Variants in TSPEAR observed in about 807,000 individuals in gnomAD.
The protein encoded by TSPEAR is thrombospondin-type laminin G domain and EAR repeat-containing protein.
In TSPEAR, 69 loss-of-function variants were observed where a neutral mutation model predicts 71.6. The observed-to-expected ratio is 0.96, with a 90% CI of 0.79 to 1.18. The LOEUF (loss-of-function observed/expected upper bound fraction) is 1.18, where lower values mean the gene tolerates loss of function less well. Among genes scored for constraint, TSPEAR ranks in the 50% most tolerant of loss-of-function variants. The pLI, the probability that TSPEAR is intolerant of heterozygous loss-of-function variation, is 0.00. For missense variants in TSPEAR, 971 were observed against 894.9 expected (o/e 1.09, Z -1.09); for synonymous variants, 402 against 387.2 (o/e 1.04, Z -0.45).
intron 1 of TSPEAR, among the ~76,000 whole-genome samples, chr21:44,568,716 T>C (rs1161556578): frequency 6.6e-6 from 1 of 152,082 alleles, no homozygotes; most frequent in Non-Finnish European, 1.5e-5. Flanking sequence ...GAGCAGAGCC[T>C]GAGACTGATG....
intron 2 of TSPEAR, among the ~76,000 whole-genome samples, chr21:44,536,270 A>T (rs1466477568): frequency 6.6e-6 from 1 of 152,118 alleles, no homozygotes; most frequent in East Asian, 1.9e-4. Context: ...TCCGGCACAG[A>T]CCTCAGCAAC....
chr21:44,675,269 A>G (rs1986255358), intron 1 of TSPEAR, among the ~76,000 whole-genome samples: 2 of 152,358 alleles, frequency 1.3e-5, no homozygotes, highest in South Asian at 2.1e-4. Context: ...GGGTGATTCA[A>G]CATACACAAA....
chr21:44,524,711 A>G (rs1347133812), intron 8 of TSPEAR, among the ~76,000 whole-genome samples: 7 of 152,080 alleles, frequency 4.6e-5, no homozygotes, highest in African/African-American at 1.7e-4. Context: ...TTAATCAGGT[A>G]GTTAGGTAAT....
intron 1 of TSPEAR, chr21:44,591,418 C>T: frequency 6.2e-7 from 1 of 1,612,514 alleles, no homozygotes; most frequent in Non-Finnish European, 8.5e-7. Context: ...AGAGCAGAGG[C>T]TGTAGCAGGC....
intron 7 of TSPEAR, among the ~76,000 whole-genome samples, chr21:44,526,626 G>A (rs932435805): frequency 2.6e-5 from 4 of 152,396 alleles, no homozygotes; most frequent in Middle Eastern, 3.4e-3. Flanking sequence ...TGTCCAGGCA[G>A]GGCCTGGTGG....
At chr21:44,635,589 G>A (rs966412850) in intron 1 of TSPEAR, among the ~76,000 whole-genome samples, 4 of 152,090 alleles carry the variant, frequency 2.6e-5, no homozygotes, top group Non-Finnish European at 4.4e-5. Flanking sequence ...CCATGACTGC[G>A]TCTATATGAA....
At chr21:44,510,339 C>T (rs1020122140) in intron 9 of TSPEAR, among the ~76,000 whole-genome samples, 5 of 152,332 alleles carry the variant, frequency 3.3e-5, no homozygotes, top group African/African-American at 1.2e-4. Context: ...CTGACTCACC[C>T]CCGTCCGGAG....
intron 1 of TSPEAR, chr21:44,697,262 G>T: frequency 6.2e-7 from 1 of 1,614,078 alleles, no homozygotes; most frequent in Non-Finnish European, 8.5e-7. Flanking sequence ...TGGTTCCTGT[G>T]ACTCTTGCTC....
intron 2 of TSPEAR, chr21:44,550,929 G>A (rs2329834): frequency 0.63 from 994,507 of 1,588,662 alleles, 309,901 homozygotes; most frequent in South Asian, 0.73. Flanking sequence ...CTGCTGACAC[G>A]GGGAGGAGGT....
At chr21:44,514,967 A>AC (rs775193150) in intron 9 of TSPEAR, among the ~76,000 whole-genome samples, 1 of 151,948 alleles carries the variant, frequency 6.6e-6, no homozygotes, top group Non-Finnish European at 1.5e-5. Flanking sequence ...GAATGCGCCC[A>AC]CCCTGTGTTT....
intron 1 of TSPEAR, chr21:44,666,947 TG>T (rs1394626024): frequency 5.1e-6 from 8 of 1,555,752 alleles, no homozygotes; most frequent in Non-Finnish European, 7.0e-6. Flanking sequence ...ACGGCCTCCC[TG>T]GGCAGCCTTT....
Position 44,546,400 on chromosome 21 carries a change from T to G in TSPEAR, c.304-12477A>C, listed in dbSNP as rs1380867017. ...CCCAGGCTGGAGTGCAGTGGTGCGA[T>G]CTCTGCTCACTGCAAGCTCCGCCTC... On this transcript the variant is annotated intron_variant, in intron 2 of 11. Coordinates refer to ENST00000323084, the MANE Select transcript of TSPEAR (RefSeq NM_144991.3). This position sits in a 1 kb window ranked among gnomAD's most constrained non-coding sequence, Gnocchi z 4.4. 6.6e-6 allele frequency among the ~76,000 whole-genome samples: 1 copy of G among 152,218 alleles called. No homozygotes were observed. Among genetic ancestry groups the G allele is most frequent in the East Asian group, 1.9e-4 (1 of 5,196 alleles).
intron 1 of TSPEAR, among the ~76,000 whole-genome samples, chr21:44,696,610 A>G (rs17285096): frequency 0.049 from 7,413 of 152,326 alleles, 219 homozygotes; most frequent in Middle Eastern, 0.14. Flanking sequence ...CAAGCCATTC[A>G]TTGGTCTACG....
chr21:44,558,817 G>A (rs1441829688), intron 2 of TSPEAR: 5 of 1,431,920 alleles, frequency 3.5e-6, no homozygotes, highest in Non-Finnish European at 3.8e-6. Context: ...TGAGTGGTCG[G>A]AACCTTTATA....
intron 7 of TSPEAR, among the ~76,000 whole-genome samples, chr21:44,526,123 T>C (rs2052850229): frequency 6.6e-6 from 1 of 152,176 alleles, no homozygotes; most frequent in Admixed American, 6.5e-5. Context: ...AATTCCCAAA[T>C]TCAGGAAAAG....
chr21:44,615,723 T>C (rs1234855459), intron 1 of TSPEAR, among the ~76,000 whole-genome samples: 3 of 152,156 alleles, frequency 2.0e-5, no homozygotes, highest in Non-Finnish European at 2.9e-5. Flanking sequence ...TCTATATATA[T>C]ATAGTTATCA....
At chr21:44,554,750 T>G (rs1401998475) in intron 2 of TSPEAR, among the ~76,000 whole-genome samples, 1 of 152,240 alleles carries the variant, frequency 6.6e-6, no homozygotes, top group African/African-American at 2.4e-5. Context: ...AGATCTATTG[T>G]TAAATTAATT....
At position 44,540,253 on chromosome 21, in the gene TSPEAR, G is replaced by C. The variant is rs587654826; in HGVS notation, c.304-6330C>G. ...GTGTGTGAGTGAGTGTGTGAGCTTC[G>C]TGGGGCTCTGCTTTTATACCCCTTC... On this transcript the variant is annotated intron_variant, in intron 2 of 11. Transcript: ENST00000323084. 344 of 1,535,632 alleles carry C rather than the reference G, an allele frequency of 2.2e-4. 2 individuals carry two copies. In the South Asian group the frequency reaches 4.1e-3, roughly 18 times the overall value.
intron 10 of TSPEAR, chr21:44,508,655 C>A: frequency 8.4e-7 from 1 of 1,195,446 alleles, no homozygotes; most frequent in Non-Finnish European, 1.1e-6. Context: ...GCGTGTCGGT[C>A]TGGAACCATC....
Sources: gnomAD v4.1 joint callset for allele counts (sites outside exome capture counted in the v4.1 genomes callset) on GRCh38, gnomAD v4.1.1 for gene constraint, Gnocchi (gnomAD v3.1) non-coding constraint, MANE v1.5 for transcripts, NCBI Gene and HGNC (gene_info 2026-07-23, HGNC 2026-07-21) for gene names.